The following RANBP2 variants were observed in gnomAD, a reference collection of about 807,000 sequenced individuals.
RANBP2 encodes the protein E3 SUMO-protein ligase RanBP2.
Under a neutral mutation model 303.6 loss-of-function variants are expected in RANBP2, and 57 were observed. The observed-to-expected ratio is 0.19, with a 90% CI of 0.15 to 0.23. The LOEUF (loss-of-function observed/expected upper bound fraction) is 0.23. Among genes scored for constraint, RANBP2 ranks in the 10% least tolerant of loss-of-function variants. RANBP2 has a pLI of 1.00. For missense variants in RANBP2, 3,138 were observed against 3,780.8 expected (o/e 0.83, Z 4.46); for synonymous variants, 1,167 against 1,301.5 (o/e 0.90, Z 2.23).
At chr2:108,813,003 A>G in the RANBP2 span, 2 of 1,206,724 alleles carry the variant, frequency 1.7e-6, no homozygotes, top group South Asian at 2.6e-5. Context: ...TAATCCCAGC[A>G]CTTTGGGAGG....
chr2:108,777,179 A>G lies in RANBP2; in HGVS notation c.8547A>G (p.Ser2849=), dbSNP rs768436563. The change falls in exon 25 of 29, where the codon TCA becomes TCG. Residue 2849 remains serine (S), a synonymous_variant. Transcript: ENST00000283195. The part of the protein sequence containing the change: ...SFGFGSSTGL[S]FADLASSNSG... ...GATTTGGAAGTAGCACAGGGCTCTC[A>G]TTTGCAGACTTGGCTTCCAGTAATT... is the stretch of plus-strand genomic sequence containing the variant. 1 of 1,613,568 alleles carries G rather than the reference A, an allele frequency of 6.2e-7. No individual in the cohort carries two copies. Among genetic ancestry groups the G allele is most frequent in the Non-Finnish European group, 8.5e-7 (1 of 1,179,604 alleles).
the RANBP2 span, among the ~76,000 whole-genome samples, chr2:109,032,705 A>C: frequency 6.6e-6 from 1 of 152,178 alleles, no homozygotes; most frequent in Non-Finnish European, 1.5e-5. Context: ...TGGTGGGTTA[A>C]ATGAAACTCC....
At chr2:109,130,764 TA>T in the RANBP2 span, among the ~76,000 whole-genome samples, 6 of 152,268 alleles carry the variant, frequency 3.9e-5, no homozygotes, top group Non-Finnish European at 7.4e-5. Flanking sequence ...GGGTCATTTA[TA>T]TTTATTATTA....
At chr2:108,851,181 A>G in the RANBP2 span, among the ~76,000 whole-genome samples, 1 of 152,342 alleles carries the variant, frequency 6.6e-6, no homozygotes, top group South Asian at 2.1e-4. Context: ...AGCAAGGTAT[A>G]GGGGAAGGGG....
the RANBP2 span, among the ~76,000 whole-genome samples, chr2:109,322,091 G>A: frequency 6.6e-6 from 1 of 152,082 alleles, no homozygotes; most frequent in Non-Finnish European, 1.5e-5. Flanking sequence ...GGAGAGAAGC[G>A]GGGAGAGGGA....
the RANBP2 span, among the ~76,000 whole-genome samples, chr2:109,433,370 T>A: frequency 1.3e-5 from 2 of 152,274 alleles, no homozygotes; most frequent in East Asian, 1.9e-4. Context: ...TCAGTTCTAC[T>A]ACTTTTATCA....
At chr2:108,768,672 A>G (rs826583) in intron 20 of RANBP2, among the ~76,000 whole-genome samples, 40,429 of 151,968 alleles carry the variant, frequency 0.27, 5,743 homozygotes, top group African/African-American at 0.36. Context: ...TGAATCATGC[A>G]CATTAACGTG....
the RANBP2 span, among the ~76,000 whole-genome samples, chr2:109,563,368 C>T: frequency 1.3e-5 from 2 of 152,232 alleles, no homozygotes; most frequent in African/African-American, 4.8e-5. Flanking sequence ...ACTCCTCCCC[C>T]TTTCTTTTGT....
the RANBP2 span, among the ~76,000 whole-genome samples, chr2:109,110,132 C>T: frequency 6.6e-6 from 1 of 152,326 alleles, no homozygotes; most frequent in Admixed American, 6.5e-5. Context: ...GAGTCTAGCA[C>T]ACACAGGCAT....
the RANBP2 span, among the ~76,000 whole-genome samples, chr2:109,580,632 A>G: frequency 4.6e-5 from 7 of 152,344 alleles, no homozygotes; most frequent in Non-Finnish European, 7.4e-5. Context: ...CAATGAAAGA[A>G]AGAAAAATAA....
the RANBP2 span, among the ~76,000 whole-genome samples, chr2:109,242,421 G>A: frequency 2.0e-5 from 3 of 152,168 alleles, no homozygotes; most frequent in Non-Finnish European, 4.4e-5. Context: ...AGAGCAGCCC[G>A]TGCCTAGAGT....
At chr2:109,519,929 G>A in the RANBP2 span, among the ~76,000 whole-genome samples, 1 of 152,238 alleles carries the variant, frequency 6.6e-6, no homozygotes, top group African/African-American at 2.4e-5. Flanking sequence ...AGGGTGGACT[G>A]AAGCATCTGC....
chr2:108,988,660 C>A, the RANBP2 span, among the ~76,000 whole-genome samples: 2 of 152,194 alleles, frequency 1.3e-5, no homozygotes, highest in Non-Finnish European at 2.9e-5. Flanking sequence ...CCTGGAGGAA[C>A]CCGTTGCTTC....
At chr2:109,240,137 G>A in the RANBP2 span, among the ~76,000 whole-genome samples, 1 of 152,184 alleles carries the variant, frequency 6.6e-6, no homozygotes, top group Admixed American at 6.5e-5. Flanking sequence ...ACTTGGCACT[G>A]CCCTCTCTTC....
At chr2:108,982,229 G>C in the RANBP2 span, among the ~76,000 whole-genome samples, 1 of 152,216 alleles carries the variant, frequency 6.6e-6, no homozygotes, top group African/African-American at 2.4e-5. Context: ...ACAAAGAAAT[G>C]TTCCAGGGTA....
At chr2:109,005,124 T>C in the RANBP2 span, among the ~76,000 whole-genome samples, 2 of 152,218 alleles carry the variant, frequency 1.3e-5, no homozygotes, top group Non-Finnish European at 2.9e-5. Flanking sequence ...CATATGTATT[T>C]GGTACCTAGA....
At chr2:109,302,029 GA>G in the RANBP2 span, among the ~76,000 whole-genome samples, 1 of 152,212 alleles carries the variant, frequency 6.6e-6, no homozygotes, top group Non-Finnish European at 1.5e-5. Context: ...GGAAGCCATA[GA>G]GGTTTTTCTT....
At chr2:108,787,613 G>A (rs1402910763), downstream of RANBP2, among the ~76,000 whole-genome samples, 1 of 152,098 alleles carries the variant, frequency 6.6e-6, no homozygotes, top group African/African-American at 2.4e-5. Flanking sequence ...TTTTCCTAGT[G>A]CAGATCCGAC....
the RANBP2 span, chr2:108,906,404 A>G: frequency 6.8e-6 from 11 of 1,612,230 alleles, no homozygotes; most frequent in Non-Finnish European, 9.3e-6. Flanking sequence ...ATCTCCAGAA[A>G]GGGGCAACAG....
Sources: gnomAD v4.1 joint callset for allele counts (sites outside exome capture counted in the v4.1 genomes callset) on GRCh38, gnomAD v4.1.1 for gene constraint, MANE v1.5 for transcripts, NCBI Gene and HGNC (gene_info 2026-07-23, HGNC 2026-07-21) for gene names.